NAPEPLD: variants seen among roughly 807,000 people sequenced by gnomAD.
NAPEPLD encodes the protein N-acyl-phosphatidylethanolamine-hydrolyzing phospholipase D.
NAPEPLD carries 23 observed loss-of-function variants against 38.1 expected under a neutral mutation model. That is an observed-to-expected ratio of 0.60 (90% CI 0.43 to 0.86). The LOEUF is 0.86. NAPEPLD is among the 40% of genes least tolerant of loss of function. The pLI is 0.00. For missense variants in NAPEPLD, 411 were observed against 476.8 expected (o/e 0.86, Z 1.28); for synonymous variants, 147 against 162.0 (o/e 0.91, Z 0.71).
intron 4 of NAPEPLD, among the ~76,000 whole-genome samples, chr7:103,107,286 A>T (rs906554637): frequency 1.3e-5 from 2 of 152,164 alleles, no homozygotes; most frequent in African/African-American, 4.8e-5. Flanking sequence ...ATCCACAAAG[A>T]TGGGGAGAAA....
chr7:103,116,834 T>C (rs1805673594), intron 3 of NAPEPLD, among the ~76,000 whole-genome samples: 1 of 152,222 alleles, frequency 6.6e-6, no homozygotes, highest in Admixed American at 6.5e-5. Context: ...TGAGCTGCTA[T>C]TTCTTTGTCT....
chr7:103,136,933 ATTGTTTGT>A (rs1205009128), intron 1 of NAPEPLD, among the ~76,000 whole-genome samples: 1 of 152,204 alleles, frequency 6.6e-6, no homozygotes, highest in South Asian at 2.1e-4. Context: ...GTCCAAATAA[ATTGTTTGT>A]TTGTTTGTTT....
chr7:103,122,222 C>A (rs187138047), intron 2 of NAPEPLD, among the ~76,000 whole-genome samples: 1 of 151,858 alleles, frequency 6.6e-6, no homozygotes, highest in Non-Finnish European at 1.5e-5. Context: ...TGAGCCACCA[C>A]GCCAGGCCTA....
At chr7:103,135,508 T>G (rs927499807) in intron 1 of NAPEPLD, among the ~76,000 whole-genome samples, 2 of 152,318 alleles carry the variant, frequency 1.3e-5, no homozygotes, top group African/African-American at 2.4e-5. Flanking sequence ...GTGGGAGGTA[T>G]GTATACAACA....
intron 3 of NAPEPLD, among the ~76,000 whole-genome samples, chr7:103,115,712 C>G (rs556000009): frequency 6.6e-6 from 1 of 152,144 alleles, no homozygotes; most frequent in Non-Finnish European, 1.5e-5. Context: ...TTAAACGATA[C>G]TGCTCCTTGA....
intron 1 of NAPEPLD, among the ~76,000 whole-genome samples, chr7:103,137,565 CT>C (rs1163132775): frequency 6.6e-6 from 1 of 152,092 alleles, no homozygotes; most frequent in Non-Finnish European, 1.5e-5. Context: ...GTTATCATCT[CT>C]TTAATACCTT....
At chr7:103,132,709 C>A (rs1228437147) in intron 1 of NAPEPLD, among the ~76,000 whole-genome samples, 5 of 152,090 alleles carry the variant, frequency 3.3e-5, no homozygotes, top group African/African-American at 1.2e-4. Context: ...CCCTTGAGCC[C>A]AGGAAGTTGA....
intron 1 of NAPEPLD, among the ~76,000 whole-genome samples, chr7:103,136,324 C>T (rs1810051676): frequency 6.6e-6 from 1 of 150,586 alleles, no homozygotes; most frequent in Non-Finnish European, 1.5e-5. Context: ...GTAATCCTAG[C>T]ACTTTGGAAG....
rs1042603527 is a variant in NAPEPLD at position 103,101,210 on chromosome 7, A to G, written c.*2219T>C. 5 of 152,098 alleles carry G rather than the reference A, an allele frequency of 3.3e-5. No homozygotes were observed. The highest frequency in any genetic ancestry group is 1.2e-4 in the African/African-American group (5 of 41,428). The allele number at this position is 152,098 out of a possible 1,614,324, so 9.4% of individuals were successfully genotyped here. On this transcript the variant is annotated 3_prime_UTR_variant, in exon 5 of 5. Transcript: ENST00000465647. ...AACTCACCATAAACCTAACATCTTG[A>G]TTCACATCTGCTTGGAGTGAAAAAG... is the stretch of plus-strand genomic sequence containing the variant.
chr7:103,139,821 C>G (rs1810847410), intron 1 of NAPEPLD, among the ~76,000 whole-genome samples: 1 of 152,154 alleles, frequency 6.6e-6, no homozygotes, highest in South Asian at 2.1e-4. Context: ...GTTCAGCCAT[C>G]TCCTGAGTCT....
chr7:103,105,510 C>T (rs1446150391), intron 4 of NAPEPLD, among the ~76,000 whole-genome samples: 1 of 152,198 alleles, frequency 6.6e-6, no homozygotes, highest in Non-Finnish European at 1.5e-5. Context: ...AGGAAATGCA[C>T]TCATCATTCC....
intron 1 of NAPEPLD, 126 bp from the exon 2 acceptor site, chr7:103,128,918 G>A: frequency 9.8e-7 from 1 of 1,020,266 alleles, no homozygotes; most frequent in Non-Finnish European, 1.4e-6. Context: ...TGTATTAGCT[G>A]AAACTTTCTT....
intron 1 of NAPEPLD, among the ~76,000 whole-genome samples, chr7:103,146,409 C>G (rs961984456): frequency 4.6e-5 from 7 of 151,908 alleles, no homozygotes; most frequent in African/African-American, 1.5e-4. Flanking sequence ...CTTGGTGTTT[C>G]TCTATTCATT....
upstream of NAPEPLD, chr7:103,149,415 G>C (rs1030117920): frequency 7.3e-6 from 9 of 1,232,162 alleles, no homozygotes; most frequent in Non-Finnish European, 9.3e-6. Flanking sequence ...ACCCGAGCCC[G>C]CCGCGCTGGC....
chr7:103,102,113 A>G lies in NAPEPLD; in HGVS notation c.*1316T>C, dbSNP rs1204231007. ...CTGAATCAGGTAAAAAAAATTATAAATCTGATTGATATATTTAGAGCTAAG... is the reference window on the plus strand; with the variant it reads ...CTGAATCAGGTAAAAAAAATTATAAGTCTGATTGATATATTTAGAGCTAAG... On this transcript the variant is annotated 3_prime_UTR_variant, in exon 5 of 5. Transcript: ENST00000465647. 6.6e-6 allele frequency: 1 copy of G among 151,710 alleles called. No individual in the cohort carries two copies. Among genetic ancestry groups the G allele is most frequent in the East Asian group, 1.9e-4 (1 of 5,168 alleles). 9.4% of individuals were successfully genotyped at this position (151,710 alleles called of 1,614,324 possible).
At chr7:103,132,189 C>A (rs1809095274) in intron 1 of NAPEPLD, among the ~76,000 whole-genome samples, 2 of 152,186 alleles carry the variant, frequency 1.3e-5, no homozygotes, top group African/African-American at 4.8e-5. Flanking sequence ...CTAGAACACC[C>A]AATAACACTG....
intron 2 of NAPEPLD, among the ~76,000 whole-genome samples, chr7:103,120,695 ATTTTTCTT>A (rs1188994846): frequency 3.2e-3 from 107 of 33,014 alleles, no homozygotes; most frequent in Non-Finnish European, 4.3e-3. Flanking sequence ...TGAATCTGAT[ATTTTTCTT>A]TTTTTTTTTT....
At chr7:103,116,656 G>T (rs1333307796) in intron 3 of NAPEPLD, among the ~76,000 whole-genome samples, 1 of 152,152 alleles carries the variant, frequency 6.6e-6, no homozygotes, top group Non-Finnish European at 1.5e-5. Flanking sequence ...GAACAATGAG[G>T]TGTTTGGTTT....
chr7:103,125,323 T>C (rs1807533267), intron 2 of NAPEPLD, among the ~76,000 whole-genome samples: 1 of 152,240 alleles, frequency 6.6e-6, no homozygotes, highest in Admixed American at 6.5e-5. Context: ...ATAAGATCTA[T>C]CAAAATGGCT....
Sources: gnomAD v4.1 joint callset for allele counts (sites outside exome capture counted in the v4.1 genomes callset) on GRCh38, gnomAD v4.1.1 for gene constraint, MANE v1.5 for transcripts, NCBI Gene and HGNC (gene_info 2026-07-23, HGNC 2026-07-21) for gene names.